CDH13: variants seen among roughly 807,000 people sequenced by gnomAD.
CDH13 encodes cadherin-13.
A neutral mutation model predicts 63.8 loss-of-function variants in CDH13; 24 were observed. That is an observed-to-expected ratio of 0.38 (90% CI 0.27 to 0.53). The LOEUF (loss-of-function observed/expected upper bound fraction) is 0.53, where lower values mean the gene tolerates loss of function less well. CDH13 is among the 20% of genes least tolerant of loss of function. The probability of loss-of-function intolerance (pLI) is 0.85; values close to 1 mark genes in which losing one functional copy is unlikely to be tolerated. For missense variants in CDH13, 1,049 were observed against 903.1 expected, an observed-to-expected ratio of 1.16 and a Z score of -2.07; for synonymous variants, 503 against 355.3, an observed-to-expected ratio of 1.42 and a Z score of -4.67.
intron 7 of CDH13, among the ~76,000 whole-genome samples, chr16:83,591,130 T>G (rs1385252656): frequency 6.6e-6 from 1 of 151,848 alleles, no homozygotes; most frequent in Admixed American, 6.6e-5. Flanking sequence ...ATGCTGGTCT[T>G]GAACTCCTGA....
intron 5 of CDH13, among the ~76,000 whole-genome samples, chr16:83,329,524 T>G (rs145489106): frequency 1.3e-5 from 2 of 152,160 alleles, no homozygotes; most frequent in Non-Finnish European, 2.9e-5. Flanking sequence ...GGCGTCAAAT[T>G]AAAGGTTTTT....
At chr16:82,823,874 T>C (rs903869866) in intron 1 of CDH13, 1 of 152,144 alleles carries the variant, frequency 6.6e-6, no homozygotes, top group East Asian at 1.9e-4. Context: ...TGTTTTATCT[T>C]AGAAATTCAT....
intron 2 of CDH13, among the ~76,000 whole-genome samples, chr16:82,905,604 TATAAC>T (rs1408936003): frequency 6.6e-6 from 1 of 152,146 alleles, no homozygotes; most frequent in Non-Finnish European, 1.5e-5. Flanking sequence ...CTCATACAAA[TATAAC>T]ATAAGTCACA....
intron 1 of CDH13, among the ~76,000 whole-genome samples, chr16:82,816,151 G>C (rs964548879): frequency 2.2e-4 from 34 of 152,114 alleles, no homozygotes; most frequent in Admixed American, 2.0e-3. Context: ...CTCAGGGTCA[G>C]CCTCTCTCTT....
chr16:83,256,770 A>G (rs1286915104), intron 5 of CDH13, among the ~76,000 whole-genome samples: 4 of 145,704 alleles, frequency 2.7e-5, no homozygotes, highest in South Asian at 2.2e-4. Context: ...GCATGAACCC[A>G]GGAGGCGGAG....
chr16:82,639,499 A>T, intron 1 of CDH13: 1 of 1,399,624 alleles, frequency 7.1e-7, no homozygotes, highest in Non-Finnish European at 9.8e-7. Context: ...GTGTGGCTGG[A>T]TGGAATTCTT....
chr16:83,242,774 G>A (rs1904593218), intron 5 of CDH13, among the ~76,000 whole-genome samples: 1 of 152,190 alleles, frequency 6.6e-6, no homozygotes, highest in Admixed American at 6.5e-5. Context: ...GCTTCCAGAT[G>A]CAGCAGGATG....
chr16:82,667,685 G>A (rs1912758629), intron 1 of CDH13, among the ~76,000 whole-genome samples: 1 of 152,134 alleles, frequency 6.6e-6, no homozygotes, highest in Non-Finnish European at 1.5e-5. Context: ...AGGCGAAGCA[G>A]TGCACCCATG....
intron 10 of CDH13, among the ~76,000 whole-genome samples, chr16:83,685,443 G>C (rs758200194): frequency 1.3e-5 from 2 of 152,134 alleles, no homozygotes; most frequent in African/African-American, 4.8e-5. Flanking sequence ...CTAAAGACTA[G>C]TGCTAGAGAA....
intron 5 of CDH13, among the ~76,000 whole-genome samples, chr16:83,306,528 C>A (rs964388893): frequency 1.3e-5 from 2 of 152,166 alleles, no homozygotes; most frequent in African/African-American, 4.8e-5. Context: ...ACTTTCTCTA[C>A]CTTGTTGTGA....
intron 5 of CDH13, among the ~76,000 whole-genome samples, chr16:83,318,366 C>T (rs2090149602): frequency 6.6e-6 from 1 of 152,116 alleles, no homozygotes; most frequent in Non-Finnish European, 1.5e-5. Flanking sequence ...GGCTTTCTGG[C>T]CTTCAGCTAT....
At position 83,538,256 on chromosome 16, in the gene CDH13, G is replaced by T. The variant is rs140238792; in HGVS notation, c.960+51601G>T. On this transcript the variant is annotated intron_variant, in intron 7 of 13. Transcript: ENST00000567109. ...ATTGTGCACAAATACATTTATTTCT[G>T]GGTATGTTTAGGTTATTTCTTTTCA... is the stretch of plus-strand genomic sequence containing the variant. Among the ~76,000 whole-genome samples, 293 of 152,218 alleles carry T rather than the reference G, an allele frequency of 1.9e-3. 1 individual carries two copies. The highest frequency in any genetic ancestry group is 0.017 in the Middle Eastern group (5 of 294).
In CDH13 at chr16:83,168,401, G is replaced by A. The variant is rs9888761; in HGVS notation, c.483+42900G>A. On this transcript the variant is annotated intron_variant, in intron 4 of 13. Transcript: ENST00000567109. ...TATACACACACATATATTTACGACT[G>A]TAGCCTTCTTTCCAGCAGAAGCAGT... Among the ~76,000 whole-genome samples the A allele has an allele frequency of 3.3e-3, 506 of 151,958 alleles. 2 individuals carry two copies. Among genetic ancestry groups the A allele is most frequent in the African/African-American group, 0.012 (477 of 41,476 alleles).
chr16:83,156,158 C>T lies in CDH13; in HGVS notation c.483+30657C>T, dbSNP rs150066990. ...AAAGAGGCTTGGTTTGTGCTTTGAACATAGCGTGGTTATAAATTAAAGAAT... is the reference window on the plus strand; with the variant it reads ...AAAGAGGCTTGGTTTGTGCTTTGAATATAGCGTGGTTATAAATTAAAGAAT... On this transcript the variant is annotated intron_variant, in intron 4 of 13. Coordinates refer to ENST00000567109, the MANE Select transcript of CDH13 (RefSeq NM_001257.5). 5.0e-3 allele frequency among the ~76,000 whole-genome samples: 764 copies of T among 152,294 alleles called. 7 individuals carry two copies. Among genetic ancestry groups the T allele is most frequent in the African/African-American group, 0.017 (702 of 41,556 alleles).
intron 1 of CDH13, among the ~76,000 whole-genome samples, chr16:82,688,680 G>A (rs1915331301): frequency 1.3e-5 from 2 of 152,176 alleles, no homozygotes; most frequent in African/African-American, 4.8e-5. Context: ...AAGATCCGAG[G>A]ATGATCAAGT....
chr16:83,747,589 C>G (rs1350681574), intron 10 of CDH13, among the ~76,000 whole-genome samples: 1 of 147,754 alleles, frequency 6.8e-6, no homozygotes, highest in East Asian at 1.9e-4. Context: ...GTTTGTCTGT[C>G]CTCTCACTCT....
chr16:83,581,247 A>G (rs995897603), intron 7 of CDH13, among the ~76,000 whole-genome samples: 1 of 152,248 alleles, frequency 6.6e-6, no homozygotes, highest in Admixed American at 6.5e-5. Flanking sequence ...TGAGTCATTT[A>G]TCCCTGAGTA....
intron 5 of CDH13, among the ~76,000 whole-genome samples, chr16:83,257,662 C>G (rs1466371379): frequency 6.6e-6 from 1 of 152,176 alleles, no homozygotes; most frequent in Non-Finnish European, 1.5e-5. Context: ...TTTATCGTGT[C>G]TACCATTGAT....
At chr16:83,457,745 G>T (rs551362093) in intron 6 of CDH13, among the ~76,000 whole-genome samples, 1 of 152,060 alleles carries the variant, frequency 6.6e-6, no homozygotes, top group Admixed American at 6.5e-5. Flanking sequence ...AGGCCAGGCC[G>T]AGCCAAGCCA....
Sources: gnomAD v4.1 joint callset for allele counts (sites outside exome capture counted in the v4.1 genomes callset) on GRCh38, gnomAD v4.1.1 for gene constraint, MANE v1.5 for transcripts, NCBI Gene and HGNC (gene_info 2026-07-23, HGNC 2026-07-21) for gene names.